TNIP3: variants seen among roughly 807,000 people sequenced by gnomAD.
The protein encoded by TNIP3 is TNFAIP3 interacting protein 3, also known as TNFAIP3-interacting protein 3.
TNIP3 carries 34 observed loss-of-function variants against 54.1 expected under a neutral mutation model. That is an observed-to-expected ratio of 0.63 (90% CI 0.48 to 0.84). The LOEUF (loss-of-function observed/expected upper bound fraction) is 0.84. Ranked by LOEUF, TNIP3 falls within the 40% of genes least tolerant of loss-of-function variation. The pLI, the probability that TNIP3 is intolerant of heterozygous loss-of-function variation, is 0.00. For synonymous variants in TNIP3, 134 were observed against 136.8 expected (o/e 0.98, Z 0.14); for missense variants, 366 against 387.6 (o/e 0.94, Z 0.47).
At chr4:121,147,595 G>T (rs1024204662) in intron 6 of TNIP3, among the ~76,000 whole-genome samples, 4 of 152,182 alleles carry the variant, frequency 2.6e-5, no homozygotes, top group Non-Finnish European at 5.9e-5. Context: ...CACCTCTTGA[G>T]AGGCACTCCA....
chr4:121,220,794 G>A (rs1321204755), upstream of TNIP3, among the ~76,000 whole-genome samples: 1 of 152,148 alleles, frequency 6.6e-6, no homozygotes, highest in Non-Finnish European at 1.5e-5. Flanking sequence ...TTAAGTGCCA[G>A]TCTGTGTGTT....
intron 1 of TNIP3, among the ~76,000 whole-genome samples, chr4:121,162,814 T>A (rs1233316205): frequency 6.6e-6 from 1 of 152,190 alleles, no homozygotes; most frequent in Non-Finnish European, 1.5e-5. Context: ...TGATTCATAC[T>A]AAAGTTCAAT....
At chr4:121,158,500 C>T (rs769802100) in intron 3 of TNIP3, among the ~76,000 whole-genome samples, 187 bp downstream of exon 3, 18 of 152,190 alleles carry the variant, frequency 1.2e-4, no homozygotes, top group South Asian at 4.1e-4. Flanking sequence ...CAAGACAACT[C>T]ACTGACACCG....
Position 121,131,438 on chromosome 4 carries a change from G to C in TNIP3, c.*1193C>G, listed in dbSNP as rs564136389. Reference sequence around the variant, plus strand: ...ATAAATTCCATTTTCATTTTAATTGGCTTGAGAAGTCAGAATTAAGTTTTT... The same window carrying C: ...ATAAATTCCATTTTCATTTTAATTGCCTTGAGAAGTCAGAATTAAGTTTTT... On this transcript the variant is annotated 3_prime_UTR_variant, in exon 11 of 11. Transcript: ENST00000057513. 6.6e-6 allele frequency: 1 copy of C among 151,308 alleles called. No individual in the cohort carries two copies. Among genetic ancestry groups the C allele is most frequent in the Non-Finnish European group, 1.5e-5 (1 of 67,880 alleles). The allele number at this position is 151,308 out of a possible 1,614,324, so 9.4% of individuals were successfully genotyped here.
At chr4:121,192,466 AT>A (rs940326165) in intron 2 of TNIP3, among the ~76,000 whole-genome samples, 2 of 152,194 alleles carry the variant, frequency 1.3e-5, no homozygotes, top group Non-Finnish European at 2.9e-5. Context: ...ATGCTACAAA[AT>A]ATGCTGAAAC....
chr4:121,198,408 C>T (rs1725714137), intron 2 of TNIP3, among the ~76,000 whole-genome samples: 1 of 152,144 alleles, frequency 6.6e-6, no homozygotes, highest in Non-Finnish European at 1.5e-5. Flanking sequence ...AGATTGTTTG[C>T]TTATGAAATC....
intron 2 of TNIP3, among the ~76,000 whole-genome samples, chr4:121,209,993 G>T (rs1391990446): frequency 6.6e-6 from 1 of 152,118 alleles, no homozygotes; most frequent in Admixed American, 6.6e-5. Flanking sequence ...GTATTTTAAG[G>T]TTTTAGAGTA....
intron 2 of TNIP3, among the ~76,000 whole-genome samples, chr4:121,194,339 G>A (rs1725455155): frequency 6.6e-6 from 1 of 152,070 alleles, no homozygotes; most frequent in South Asian, 2.1e-4. Flanking sequence ...GTGCAAAAAA[G>A]CAATTAAAAT....
intron 2 of TNIP3, among the ~76,000 whole-genome samples, chr4:121,190,555 A>G (rs1725252956): frequency 6.6e-6 from 1 of 152,112 alleles, no homozygotes; most frequent in African/African-American, 2.4e-5. Flanking sequence ...CTATTCTGGG[A>G]AAAGGGGCTG....
chr4:121,215,532 T>C (rs1726738586), intron 2 of TNIP3, among the ~76,000 whole-genome samples: 1 of 152,142 alleles, frequency 6.6e-6, no homozygotes, highest in Non-Finnish European at 1.5e-5. Flanking sequence ...CAGACACAAA[T>C]ACGTGACTTT....
chr4:121,201,872 A>C (rs981727430), intron 2 of TNIP3, among the ~76,000 whole-genome samples: 1 of 152,210 alleles, frequency 6.6e-6, no homozygotes, highest in African/African-American at 2.4e-5. Context: ...TTTAAATGTC[A>C]CATTATTTTG....
chr4:121,138,546 G>T, intron 10 of TNIP3, 78 bp downstream of exon 10: 1 of 1,337,766 alleles, frequency 7.5e-7, no homozygotes, highest in Non-Finnish European at 1.1e-6. Context: ...ACGAATGAAT[G>T]TATGTTGAGT....
chr4:121,187,777 A>AGAATAATAT (rs1368577014), intron 2 of TNIP3, among the ~76,000 whole-genome samples: 1 of 152,222 alleles, frequency 6.6e-6, no homozygotes, highest in Non-Finnish European at 1.5e-5. Flanking sequence ...AATTAAATAC[A>AGAATAATAT]GAATAATATG....
At chr4:121,144,145 C>T (rs538514503) in intron 7 of TNIP3, among the ~76,000 whole-genome samples, 1 of 152,288 alleles carries the variant, frequency 6.6e-6, no homozygotes, top group South Asian at 2.1e-4. Flanking sequence ...TGAGGATAGA[C>T]TGTACATGTC....
At chr4:121,140,607 C>A (rs1450620086) in intron 9 of TNIP3, among the ~76,000 whole-genome samples, 1 of 152,182 alleles carries the variant, frequency 6.6e-6, no homozygotes, top group African/African-American at 2.4e-5. Flanking sequence ...AAGAATATTT[C>A]TCCAATCCCC....
chr4:121,180,689 G>T (rs1472436527), intron 3 of TNIP3, among the ~76,000 whole-genome samples: 1 of 152,138 alleles, frequency 6.6e-6, no homozygotes, highest in Non-Finnish European at 1.5e-5. Flanking sequence ...TTTTGAGCTG[G>T]TGAGAGGTGA....
chr4:121,133,001 T>C (rs1728566543), intron 10 of TNIP3, among the ~76,000 whole-genome samples: 1 of 152,154 alleles, frequency 6.6e-6, no homozygotes, highest in South Asian at 2.1e-4. Flanking sequence ...TTAGGTTCAG[T>C]ACTTACCCCA....
chr4:121,147,934 T>C (rs1457241267), intron 6 of TNIP3, among the ~76,000 whole-genome samples: 2 of 152,174 alleles, frequency 1.3e-5, no homozygotes, highest in Admixed American at 6.5e-5. Context: ...AGGGAAGAAA[T>C]TAAAAATTTT....
At chr4:121,217,390 G>T (rs1443801035), upstream of TNIP3, among the ~76,000 whole-genome samples, 1 of 152,134 alleles carries the variant, frequency 6.6e-6, no homozygotes, top group African/African-American at 2.4e-5. Flanking sequence ...TTGTTAAAAT[G>T]CTCCAGGAAA....
Sources: allele counts gnomAD v4.1 joint callset (sites outside exome capture counted in the v4.1 genomes callset), GRCh38; gene constraint gnomAD v4.1.1; transcripts MANE v1.5; gene names NCBI Gene and HGNC (gene_info 2026-07-23, HGNC 2026-07-21).